NAA11: variants seen among roughly 807,000 people sequenced by gnomAD.
NAA11 encodes the protein N-alpha-acetyltransferase 11, NatA catalytic subunit.
NAA11 carries 15 observed loss-of-function variants against 16.1 expected under a neutral mutation model. The ratio of observed to expected loss-of-function variants is 0.93; its 90% CI spans 0.62 to 1.44. NAA11 has a LOEUF of 1.44. Among genes scored for constraint, NAA11 ranks in the 40% most tolerant of loss-of-function variants. The pLI, the probability that NAA11 is intolerant of heterozygous loss-of-function variation, is 0.00. For missense variants in NAA11, 298 were observed against 291.3 expected (o/e 1.02, Z -0.17); for synonymous variants, 122 against 112.4 (o/e 1.09, Z -0.54).
the NAA11 span, among the ~76,000 whole-genome samples, chr4:79,210,757 C>CA: frequency 6.6e-6 from 1 of 151,452 alleles, no homozygotes; most frequent in African/African-American, 2.4e-5. Context: ...GACTCCGTCT[C>CA]AAAAAAAGAA....
At chr4:79,246,956 A>ATGG (rs1311866929) in intron 2 of NAA11, among the ~76,000 whole-genome samples, 1 of 152,142 alleles carries the variant, frequency 6.6e-6, no homozygotes, top group Non-Finnish European at 1.5e-5. Context: ...CTTGAGGCAA[A>ATGG]TGGTAGAGCA....
the NAA11 span, among the ~76,000 whole-genome samples, chr4:79,193,706 C>A: frequency 6.6e-6 from 1 of 152,090 alleles, no homozygotes; most frequent in Non-Finnish European, 1.5e-5. Context: ...TTTGGCAATG[C>A]GGGCTCTTTT....
At chr4:79,247,062 A>T (rs1214497100) in intron 2 of NAA11, among the ~76,000 whole-genome samples, 2 of 152,322 alleles carry the variant, frequency 1.3e-5, no homozygotes, top group East Asian at 3.9e-4. Context: ...GTAGTGGTGC[A>T]GAAGTAAGAC....
rs968773274 is a variant in NAA11, at chr4:79,325,447, G to A, written c.431C>T (p.Ala144Val). 1.2e-6 allele frequency: 2 copies of A among 1,614,194 alleles called. No homozygotes were observed. Among genetic ancestry groups the A allele is most frequent in the Non-Finnish European group, 8.5e-7 (1 of 1,180,034 alleles). ...EPKYYADGED[A>V]YAMKRDLSQM... ...CGAGAGATCCCGCTTCATAGCATAA[G>A]CATCTTCCCCATCTGCATAGTATTT... is the stretch of plus-strand genomic sequence containing the variant. The change falls in exon 1 of 2, where the codon GCT becomes GTT. Residue 144 changes from alanine to valine, a missense_variant. Ala to Val is a moderately conservative substitution (Grantham distance 64). Coordinates refer to ENST00000286794, the MANE Select transcript of NAA11 (RefSeq NM_032693.3).
chr4:79,280,584 C>A (rs1271717758), intron 2 of NAA11, among the ~76,000 whole-genome samples: 2 of 151,658 alleles, frequency 1.3e-5, no homozygotes, highest in Non-Finnish European at 2.9e-5. Context: ...AATTCTGATA[C>A]ATTTTGATAC....
the NAA11 span, among the ~76,000 whole-genome samples, chr4:79,181,400 G>T: frequency 6.6e-5 from 10 of 152,128 alleles, no homozygotes; most frequent in African/African-American, 2.4e-4. Context: ...AGGCACTGCT[G>T]TCCAGCTGCA....
chr4:79,220,272 TA>T, the NAA11 span, among the ~76,000 whole-genome samples: 1 of 152,186 alleles, frequency 6.6e-6, no homozygotes, highest in Admixed American at 6.5e-5. Flanking sequence ...TTTGTATTTT[TA>T]GTAGAGACGG....
At chr4:79,191,185 C>A in the NAA11 span, among the ~76,000 whole-genome samples, 6 of 152,094 alleles carry the variant, frequency 3.9e-5, no homozygotes, top group Non-Finnish European at 8.8e-5. Context: ...TGGGTATATA[C>A]CCAGCAATGG....
chr4:79,231,122 T>G (rs544367211), intron 2 of NAA11, among the ~76,000 whole-genome samples: 3 of 152,086 alleles, frequency 2.0e-5, no homozygotes, highest in South Asian at 2.1e-4. Context: ...CAAACTGACA[T>G]AGAGAGCAAT....
chr4:79,203,073 A>G, the NAA11 span, among the ~76,000 whole-genome samples: 1 of 151,516 alleles, frequency 6.6e-6, no homozygotes, highest in African/African-American at 2.4e-5. Flanking sequence ...CGGAGTTTTT[A>G]AGTATTTATT....
chr4:79,264,524 C>A (rs890518280), intron 2 of NAA11, among the ~76,000 whole-genome samples: 1 of 152,122 alleles, frequency 6.6e-6, no homozygotes, highest in Non-Finnish European at 1.5e-5. Flanking sequence ...TCTTCTTATT[C>A]TCTTTGCATG....
chr4:79,325,795 A>C lies in NAA11; in HGVS notation c.83T>G (p.Met28Arg). ...AAGGCCATGATATAAATAGTATTTC[A>C]TCTGGTAGTTCTCAGGAAGGCAAAG... ...NLLCLPENYQ[M>R]KYYLYHGLSW... Residue 28 changes from methionine (M) to arginine (R), a missense_variant, in exon 1 of 2, where the codon ATG becomes AGG. Met to Arg is a moderately conservative substitution (Grantham distance 91). Transcript: ENST00000286794. 1 of 1,614,208 alleles carries C rather than the reference A, an allele frequency of 6.2e-7. No homozygotes were observed. The highest frequency in any genetic ancestry group is 8.5e-7 in the Non-Finnish European group (1 of 1,180,030).
At position 79,326,029 on chromosome 4, in the gene NAA11, A is replaced by T; in HGVS notation, c.-152T>A. On this transcript the variant is annotated 5_prime_UTR_variant, in exon 1 of 2. Coordinates refer to ENST00000286794, the MANE Select transcript of NAA11 (RefSeq NM_032693.3). ...GGAGGGCGGATGGCGGGAAGGCGGA[A>T]GGAGCAGGAGATGGAAAAGATGGTG... 1 of 649,582 alleles carries T rather than the reference A, an allele frequency of 1.5e-6. No individual in the cohort carries two copies. The highest frequency in any genetic ancestry group is 2.7e-6 in the Non-Finnish European group (1 of 371,078). 40.2% of individuals were successfully genotyped at this position (649,582 alleles called of 1,614,324 possible). A position where few individuals can be genotyped will look rare whatever the true frequency, so the allele number is the denominator to read the frequency against.
intron 1 of NAA11, chr4:79,308,867 T>TA (rs1271811843): frequency 6.6e-6 from 1 of 152,240 alleles, no homozygotes. Context: ...AGTTTTTTTT[T>TA]AAGTGCTTCT....
intron 2 of NAA11, among the ~76,000 whole-genome samples, chr4:79,271,393 T>C (rs1299141785): frequency 6.6e-6 from 1 of 151,182 alleles, no homozygotes; most frequent in Non-Finnish European, 1.5e-5. Context: ...TACAAACAAA[T>C]GGAAGAACAT....
chr4:79,240,896 A>G (rs1189125566), intron 2 of NAA11, among the ~76,000 whole-genome samples: 1 of 152,178 alleles, frequency 6.6e-6, no homozygotes, highest in Non-Finnish European at 1.5e-5. Context: ...ACAACAACAA[A>G]AAAAGGCAGG....
chr4:79,268,940 G>C (rs1371673493), intron 2 of NAA11, among the ~76,000 whole-genome samples: 1 of 130,824 alleles, frequency 7.6e-6, no homozygotes, highest in Admixed American at 7.9e-5. Context: ...CTATGAGTGA[G>C]AATATGCGGT....
At chr4:79,186,329 C>T in the NAA11 span, among the ~76,000 whole-genome samples, 7 of 152,088 alleles carry the variant, frequency 4.6e-5, no homozygotes, top group Non-Finnish European at 1.0e-4. Flanking sequence ...TACAGAAATA[C>T]TTTGGAATGA....
the NAA11 span, among the ~76,000 whole-genome samples, chr4:79,205,550 A>G: frequency 6.6e-6 from 1 of 151,980 alleles, no homozygotes; most frequent in African/African-American, 2.4e-5. Flanking sequence ...ATTTTGTCCC[A>G]GTCTGTAAGT....
Sources: allele counts gnomAD v4.1 joint callset (sites outside exome capture counted in the v4.1 genomes callset), GRCh38; gene constraint gnomAD v4.1.1; transcripts MANE v1.5; gene names NCBI Gene and HGNC (gene_info 2026-07-23, HGNC 2026-07-21).